The following SOS1 variants were observed in gnomAD, a reference collection of about 807,000 sequenced individuals.
SOS1 encodes the protein SOS Ras/Rac guanine nucleotide exchange factor 1.
SOS1 carries 25 observed loss-of-function variants against 157.6 expected under a neutral mutation model. The observed-to-expected ratio is 0.16, with a 90% confidence interval of 0.12 to 0.22. The LOEUF is 0.22. Among genes scored for constraint, SOS1 ranks in the 10% least tolerant of loss-of-function variants. SOS1 has a pLI of 1.00. For synonymous variants in SOS1, 528 were observed against 534.0 expected (o/e 0.99, Z 0.16); for missense variants, 1,237 against 1,599.1 (o/e 0.77, Z 3.86).
intron 6 of SOS1, among the ~76,000 whole-genome samples, chr2:39,041,033 T>A (rs1670551685): frequency 6.6e-6 from 1 of 152,172 alleles, no homozygotes; most frequent in Non-Finnish European, 1.5e-5. Context: ...ATTTTAGCCA[T>A]CTTAGTAGAT....
intron 8 of SOS1, among the ~76,000 whole-genome samples, chr2:39,032,880 G>A (rs1670214035): frequency 1.3e-5 from 2 of 151,936 alleles, no homozygotes; most frequent in African/African-American, 4.8e-5. Flanking sequence ...CAGGAGAATC[G>A]CTCGAAGCTG....
At chr2:39,111,929 C>T (rs1673451721) in intron 1 of SOS1, among the ~76,000 whole-genome samples, 1 of 152,052 alleles carries the variant, frequency 6.6e-6, no homozygotes, top group South Asian at 2.1e-4. Flanking sequence ...GAGGTTTTGC[C>T]ATGTTGGCCA....
Position 39,056,813 on chromosome 2 carries a change from G to A in SOS1, c.399C>T (p.Val133=). The change falls in exon 4 of 23, where the codon GTC becomes GTT. Residue 133 remains valine, a synonymous_variant. Transcript: ENST00000402219. ...DHQVSVYIVA[V]LEYISADILK... is the part of the protein sequence containing the mutation. ...AAATGTCTGCAGAAATGTATTCTAA[G>A]ACTGCTACTATGTAAACAGAAACCT... 6.2e-7 allele frequency: 1 copy of A among 1,605,804 alleles called. No homozygotes were observed. The highest frequency in any genetic ancestry group is 1.1e-5 in the South Asian group (1 of 90,924).
intron 2 of SOS1, among the ~76,000 whole-genome samples, chr2:39,064,813 A>G (rs1671538685): frequency 8.5e-6 from 1 of 117,336 alleles, no homozygotes. Flanking sequence ...CAGTGGTGCA[A>G]TCTTGGCTCA....
At chr2:39,000,965 G>T (rs1669078026) in intron 17 of SOS1, among the ~76,000 whole-genome samples, 1 of 152,244 alleles carries the variant, frequency 6.6e-6, no homozygotes, top group South Asian at 2.1e-4. Context: ...GAGGACACAA[G>T]ATCAGAGCTG....
chr2:39,066,787 A>G (rs569764519), intron 2 of SOS1, among the ~76,000 whole-genome samples: 2 of 152,342 alleles, frequency 1.3e-5, no homozygotes, highest in East Asian at 3.9e-4. Flanking sequence ...ACCACCTAAA[A>G]TACATGTAAC....
At chr2:39,015,339 CTAAAGT>C (rs1158339989) in intron 10 of SOS1, among the ~76,000 whole-genome samples, 1 of 151,684 alleles carries the variant, frequency 6.6e-6, no homozygotes, top group Non-Finnish European at 1.5e-5. Flanking sequence ...AAAGTAGTAG[CTAAAGT>C]TAAATACAGT....
rs55772987 is a variant in SOS1 at position 39,094,652 on chromosome 2, CAAATAAAT to C, written c.87+25676_87+25683del. Among the ~76,000 whole-genome samples the C allele has an allele frequency of 8.3e-3, 1,252 of 150,884 alleles. 9 individuals carry two copies. Among genetic ancestry groups the C allele is most frequent in the Middle Eastern group, 0.014 (4 of 294 alleles). On this transcript the variant is annotated intron_variant, in intron 1 of 22. Coordinates refer to ENST00000402219, the MANE Select transcript of SOS1 (RefSeq NM_005633.4). ...TGGACGACAGAGCAAGACTCGGTCT[CAAATAAAT>C]AAATAAATAAATAAATAAATAAAGA...
At chr2:39,004,992 C>T (rs1005202071) in intron 17 of SOS1, among the ~76,000 whole-genome samples, 7 of 152,166 alleles carry the variant, frequency 4.6e-5, no homozygotes, top group Non-Finnish European at 1.0e-4. Context: ...CACATATCAA[C>T]AGTTTAAAAA....
rs1669848015 is a variant in SOS1 at position 39,023,063 on chromosome 2, G to C, written c.1365C>G (p.Ala455=). ...AGAGAAATATGTGTCTCTCATGTTT[G>C]GCTCCTACACGTGTAAGAGTTCCTT... The part of the protein sequence containing the change: ...IMEGTLTRVG[A]KHERHIFLFD... The change falls in exon 10 of 23, where the codon GCC becomes GCG. Residue 455 remains alanine, a synonymous_variant. Transcript: ENST00000402219. 6.2e-7 allele frequency: 1 copy of C among 1,613,546 alleles called. No homozygotes were observed. Among genetic ancestry groups the C allele is most frequent in the South Asian group, 1.1e-5 (1 of 91,074 alleles).
intron 17 of SOS1, among the ~76,000 whole-genome samples, chr2:38,997,981 T>G (rs1033121545): frequency 2.0e-5 from 3 of 152,188 alleles, no homozygotes; most frequent in African/African-American, 7.2e-5. Context: ...AGTAGTACTA[T>G]TTGGATAGGC....
At chr2:39,075,999 T>C (rs1247578538) in intron 1 of SOS1, among the ~76,000 whole-genome samples, 5 of 152,162 alleles carry the variant, frequency 3.3e-5, no homozygotes, top group Non-Finnish European at 7.3e-5. Context: ...TTTCCAGAAA[T>C]AGACAATTCC....
intron 17 of SOS1, among the ~76,000 whole-genome samples, chr2:38,998,219 CTGTG>C (rs966585719): frequency 2.6e-5 from 4 of 151,862 alleles, no homozygotes; most frequent in Non-Finnish European, 5.9e-5. Flanking sequence ...GCTGCCTTCT[CTGTG>C]TGTGATCTTA....
chr2:39,064,048 G>C (rs917259817), intron 2 of SOS1, among the ~76,000 whole-genome samples: 27 of 152,118 alleles, frequency 1.8e-4, no homozygotes, highest in Admixed American at 8.5e-4. Flanking sequence ...TGCCCAGGCT[G>C]GTCCTGAACT....
At chr2:39,113,077 T>G (rs796837503) in intron 1 of SOS1, among the ~76,000 whole-genome samples, 4 of 152,046 alleles carry the variant, frequency 2.6e-5, no homozygotes, top group African/African-American at 9.6e-5. Flanking sequence ...AAGTGATTAT[T>G]TAGCATGAAC....
chr2:39,058,272 A>G (rs1406330069), intron 3 of SOS1, among the ~76,000 whole-genome samples: 1 of 152,042 alleles, frequency 6.6e-6, no homozygotes, highest in Non-Finnish European at 1.5e-5. Context: ...CCAAGATTAC[A>G]CATAGCCTTG....
At chr2:39,013,587 A>G in intron 12 of SOS1, 24 bp from the exon 13 acceptor site, 1 of 1,377,818 alleles carries the variant, frequency 7.3e-7, no homozygotes, top group South Asian at 1.2e-5. Context: ...ACAGAATTGA[A>G]TTACATGGGA....
At chr2:39,018,362 C>A (rs573986274) in intron 10 of SOS1, among the ~76,000 whole-genome samples, 1 of 151,878 alleles carries the variant, frequency 6.6e-6, no homozygotes, top group East Asian at 1.9e-4. Context: ...CTACTTGACT[C>A]TCAAATCCCT....
At chr2:39,025,185 G>A (rs1388467724) in intron 8 of SOS1, among the ~76,000 whole-genome samples, 1 of 152,102 alleles carries the variant, frequency 6.6e-6, no homozygotes. Flanking sequence ...TGGGAGGATC[G>A]CTTAAGCCTA....
Sources: gnomAD v4.1 joint callset for allele counts (sites outside exome capture counted in the v4.1 genomes callset) on GRCh38, gnomAD v4.1.1 for gene constraint, MANE v1.5 for transcripts, NCBI Gene and HGNC (gene_info 2026-07-23, HGNC 2026-07-21) for gene names.